The following LRRC8B variants were observed in gnomAD, a reference collection of about 807,000 sequenced individuals.
LRRC8B encodes volume-regulated anion channel subunit LRRC8B.
In LRRC8B, 23 loss-of-function variants were observed where a neutral mutation model predicts 58.8. The observed-to-expected ratio is 0.39, with a 90% CI of 0.28 to 0.55. The LOEUF (loss-of-function observed/expected upper bound fraction) is 0.55, where lower values mean the gene tolerates loss of function less well. Among genes scored for constraint, LRRC8B ranks in the 20% least tolerant of loss-of-function variants. The pLI is 0.62. For synonymous variants in LRRC8B, 359 were observed against 374.1 expected (o/e 0.96, Z 0.47); for missense variants, 694 against 936.0 (o/e 0.74, Z 3.37).
In LRRC8B at chr1:89,584,493, C is replaced by T; in HGVS notation, c.1843C>T (p.Leu615=). 1 of 1,614,194 alleles carries T rather than the reference C, an allele frequency of 6.2e-7. No individual in the cohort carries two copies. Among genetic ancestry groups the T allele is most frequent in the South Asian group, 1.1e-5 (1 of 91,088 alleles). The change falls in exon 5 of 6, where the codon CTA becomes TTA. Residue 615 remains leucine (L), a synonymous_variant. Transcript: ENST00000330947. Reference sequence around the variant, plus strand: ...CCTGAATAATTTGCATGAGTTAGACCTAAGGGAAAATAACCTTAAAACTGT... The same window carrying T: ...CCTGAATAATTTGCATGAGTTAGACTTAAGGGAAAATAACCTTAAAACTGT... The part of the protein sequence containing the change: ...FSLNNLHELD[L]RENNLKTVEE...
chr1:89,559,737 A>G (rs1462729065), intron 1 of LRRC8B, among the ~76,000 whole-genome samples: 1 of 152,178 alleles, frequency 6.6e-6, no homozygotes, highest in African/African-American at 2.4e-5. Context: ...CACATGGTGA[A>G]GCATCCTACT....
rs367927537 is a variant in LRRC8B, at chr1:89,583,581, A to G, written c.931A>G (p.Ile311Val). 1 of 1,611,306 alleles carries G rather than the reference A, an allele frequency of 6.2e-7. No individual in the cohort carries two copies. Among genetic ancestry groups the G allele is most frequent in the Non-Finnish European group, 8.5e-7 (1 of 1,180,024 alleles). ...RYQCVYSLAE[I>V]FKVLASFYVI... ...CCAGTGTGTCTATTCCTTGGCAGAA[A>G]TCTTTAAGGTCCTGGCTTCATTTTA... The change falls in exon 5 of 6, where the codon ATC becomes GTC. Residue 311 changes from isoleucine (I) to valine (V), a missense_variant. This residue lies in a region of LRRC8B where 316 missense variants were observed against 403.8 expected (regional missense o/e 0.78). Coordinates refer to ENST00000330947, the MANE Select transcript of LRRC8B (RefSeq NM_001369817.2). This position sits in a 1 kb window ranked among gnomAD's most constrained non-coding sequence, Gnocchi z 5.2.
At chr1:89,527,891 T>C (rs1174089220) in intron 1 of LRRC8B, among the ~76,000 whole-genome samples, 3 of 152,210 alleles carry the variant, frequency 2.0e-5, no homozygotes, top group Non-Finnish European at 4.4e-5. Flanking sequence ...CTGCCTTTCC[T>C]TTAGGATTCT....
intron 1 of LRRC8B, among the ~76,000 whole-genome samples, chr1:89,565,964 A>G (rs1342575133): frequency 6.6e-6 from 1 of 152,170 alleles, no homozygotes; most frequent in African/African-American, 2.4e-5. Flanking sequence ...TAGACTCATG[A>G]TATTTTCTTC....
At chr1:89,581,858 T>G (rs1385249463) in intron 4 of LRRC8B, among the ~76,000 whole-genome samples, 1 of 152,218 alleles carries the variant, frequency 6.6e-6, no homozygotes, top group Non-Finnish European at 1.5e-5. Flanking sequence ...ACTCATGTAC[T>G]TAAATTACAA....
chr1:89,563,753 T>C (rs1320076362), intron 1 of LRRC8B, among the ~76,000 whole-genome samples: 1 of 152,238 alleles, frequency 6.6e-6, no homozygotes, highest in African/African-American at 2.4e-5. Flanking sequence ...GAATTGTAGT[T>C]GTCTCAATTA....
rs138930990 is a variant in LRRC8B at position 89,583,076 on chromosome 1, C to T, written c.426C>T (p.Tyr142=). The T allele has an allele frequency of 9.3e-6, 15 of 1,614,046 alleles. No individual in the cohort carries two copies. The highest frequency in any genetic ancestry group is 1.1e-5 in the Non-Finnish European group (13 of 1,180,038). ...CCTGCAGCAACTTTTGGCTTCACTACCCCAGTACCAGTTCCAGGCTCGAGC... is the reference window on the plus strand; with the variant it reads ...CCTGCAGCAACTTTTGGCTTCACTATCCCAGTACCAGTTCCAGGCTCGAGC... ...FAACSNFWLH[Y]PSTSSRLEHF... Residue 142 remains tyrosine (Y), a synonymous_variant, in exon 5 of 6, where the codon TAC becomes TAT. Coordinates refer to ENST00000330947, the MANE Select transcript of LRRC8B (RefSeq NM_001369817.2). The surrounding 1 kb of genome is among the most constrained non-coding windows in gnomAD (Gnocchi z 5.2).
At chr1:89,526,105 G>A (rs564367764) in intron 1 of LRRC8B, among the ~76,000 whole-genome samples, 4 of 152,306 alleles carry the variant, frequency 2.6e-5, no homozygotes, top group Admixed American at 2.6e-4. Flanking sequence ...CCTAGGTGTA[G>A]GAGTGAGGAT....
rs1655131675 is a variant in LRRC8B at position 89,593,589 on chromosome 1, A to G, written c.*546A>G. 6.6e-6 allele frequency: 1 copy of G among 152,556 alleles called. No homozygotes were observed. Among genetic ancestry groups the G allele is most frequent in the South Asian group, 2.1e-4 (1 of 4,844 alleles). The allele number at this position is 152,556 out of a possible 1,614,324, so 9.5% of individuals were successfully genotyped here. ...GTTCTTTAACTTATTGAGATGTTGC[A>G]AGAAATGCACATCCAGGGTGGACTG... On this transcript the variant is annotated 3_prime_UTR_variant, in exon 6 of 6. Transcript: ENST00000330947.
Position 89,593,029 on chromosome 1 carries a change from T to C in LRRC8B, c.2398T>C (p.Leu800=). Residue 800 remains leucine, a synonymous_variant, in exon 6 of 6, where the codon TTA becomes CTA. Transcript: ENST00000330947. ...LPVTERLQTC[L]DKC ...TGTAACAGAACGTTTACAGACGTGC[T>C]TAGACAAATGTTGACTTAAAGAAAA... 6.2e-7 allele frequency: 1 copy of C among 1,612,290 alleles called. No homozygotes were observed. Among genetic ancestry groups the C allele is most frequent in the Non-Finnish European group, 8.5e-7 (1 of 1,178,694 alleles).
At chr1:89,550,899 T>C (rs1651757500) in intron 1 of LRRC8B, among the ~76,000 whole-genome samples, 1 of 152,180 alleles carries the variant, frequency 6.6e-6, no homozygotes, top group African/African-American at 2.4e-5. Context: ...CCATTGTATC[T>C]CTCATGCCTT....
At chr1:89,561,983 A>G (rs528664404) in intron 1 of LRRC8B, among the ~76,000 whole-genome samples, 2 of 152,282 alleles carry the variant, frequency 1.3e-5, no homozygotes, top group African/African-American at 2.4e-5. Context: ...TCCAGAGACT[A>G]TGGAAGTAAC....
chr1:89,575,797 C>CA (rs1410566616), intron 3 of LRRC8B, among the ~76,000 whole-genome samples: 3 of 152,162 alleles, frequency 2.0e-5, no homozygotes, highest in Non-Finnish European at 2.9e-5. Context: ...ATCCACTTGA[C>CA]TCCTGCCTCT....
At chr1:89,560,428 C>T (rs1229372527) in intron 1 of LRRC8B, among the ~76,000 whole-genome samples, 2 of 150,766 alleles carry the variant, frequency 1.3e-5, no homozygotes, top group Non-Finnish European at 3.0e-5. Flanking sequence ...GGTAAATGTG[C>T]ACATTGTGCA....
intron 1 of LRRC8B, among the ~76,000 whole-genome samples, chr1:89,525,277 T>C (rs549185314): frequency 6.6e-6 from 1 of 151,850 alleles, no homozygotes; most frequent in South Asian, 2.1e-4. Context: ...TGTGCTGGGG[T>C]CATTTGGAGC....
intron 1 of LRRC8B, among the ~76,000 whole-genome samples, chr1:89,552,562 A>G (rs998268608): frequency 2.0e-5 from 3 of 152,232 alleles, no homozygotes; most frequent in Admixed American, 1.3e-4. Flanking sequence ...ATAATTTACA[A>G]TAGATTAAAG....
intron 1 of LRRC8B, among the ~76,000 whole-genome samples, chr1:89,538,468 C>T (rs1411795534): frequency 6.6e-6 from 1 of 152,080 alleles, no homozygotes; most frequent in South Asian, 2.1e-4. Context: ...CATCCCCCAC[C>T]CCAACCCCAG....
intron 4 of LRRC8B, among the ~76,000 whole-genome samples, chr1:89,580,250 C>T (rs1654122584): frequency 2.0e-5 from 3 of 152,182 alleles, no homozygotes; most frequent in Admixed American, 2.0e-4. Context: ...AACAACAGCT[C>T]CTGGTTGGTT....
chr1:89,546,467 A>C (rs1651412882), intron 1 of LRRC8B, among the ~76,000 whole-genome samples: 1 of 152,210 alleles, frequency 6.6e-6, no homozygotes, highest in Non-Finnish European at 1.5e-5. Context: ...CAAGCACGGA[A>C]GAGTAACTCA....
Sources: allele counts gnomAD v4.1 joint callset (sites outside exome capture counted in the v4.1 genomes callset), GRCh38; gene constraint gnomAD v4.1.1; regional missense constraint gnomAD v4.1.1; non-coding constraint Gnocchi (gnomAD v3.1); transcripts MANE v1.5; gene names NCBI Gene and HGNC (gene_info 2026-07-23, HGNC 2026-07-21).